Variants in IMPA2 observed in about 807,000 individuals in gnomAD.
IMPA2 encodes inositol monophosphatase 2, also known as IMP 2.
A neutral mutation model predicts 35.1 loss-of-function variants in IMPA2; 32 were observed. That is an observed-to-expected ratio of 0.91 (90% CI 0.69 to 1.23). The LOEUF (loss-of-function observed/expected upper bound fraction) is 1.23, where lower values mean the gene tolerates loss of function less well. Ranked by LOEUF, IMPA2 falls within the 50% of genes most tolerant of loss-of-function variation. The pLI is 0.00. For synonymous variants in IMPA2, 135 were observed against 160.6 expected (o/e 0.84, Z 1.20); for missense variants, 334 against 387.6 (o/e 0.86, Z 1.16).
At chr18:11,985,141 C>CT (rs1316337823) in intron 1 of IMPA2, among the ~76,000 whole-genome samples, 19 of 104,416 alleles carry the variant, frequency 1.8e-4, no homozygotes, top group African/African-American at 7.7e-4. Context: ...GAGCGAAACT[C>CT]TGTCTCAAAA....
chr18:11,991,846 ATT>A lies in IMPA2; in HGVS notation c.97-7194_97-7193del, dbSNP rs11390149. Among the ~76,000 whole-genome samples, 2 of 144,134 alleles carry A rather than the reference ATT, an allele frequency of 1.4e-5. No homozygotes were observed. Among genetic ancestry groups the A allele is most frequent in the East Asian group, 2.1e-4 (1 of 4,794 alleles). The allele number at this position is 144,134 out of a possible 152,430, so 94.6% of individuals were successfully genotyped here. A position where few individuals can be genotyped will look rare whatever the true frequency, so the allele number is the denominator to read the frequency against. Reference sequence around the variant, plus strand: ...TGCCCTCGCAGAAACACCCAGAACAATTTTTTTTTTTTTTTGAGATGGAGCCT... The same window carrying A: ...TGCCCTCGCAGAAACACCCAGAACAATTTTTTTTTTTTTGAGATGGAGCCT... On this transcript the variant is annotated intron_variant, in intron 1 of 7. Coordinates refer to ENST00000269159, the MANE Select transcript of IMPA2 (RefSeq NM_014214.3). This position sits in a 1 kb window ranked among gnomAD's most constrained non-coding sequence, Gnocchi z 4.1.
Position 11,999,063 on chromosome 18 carries a change from A to ATCT in IMPA2, c.106_107insTCT (p.Lys36delinsIleTer). On this transcript the variant is annotated stop_gained and protein_altering_variant, in exon 2 of 8. Transcript: ENST00000269159. LOFTEE classifies it high-confidence loss of function. ...CGTACTTTTATTTCAGATCATCAGAAAAGCCCTTACTGAGGAAAAACGTGT... is the reference window on the plus strand; with the variant it reads ...CGTACTTTTATTTCAGATCATCAGAATCTAAGCCCTTACTGAGGAAAAACGTGT... The ATCT allele has an allele frequency of 6.2e-7, 1 of 1,612,962 alleles. No homozygotes were observed. The highest frequency in any genetic ancestry group is 8.5e-7 in the Non-Finnish European group (1 of 1,179,616).
At chr18:12,016,383 C>T (rs1907578745) in intron 5 of IMPA2, among the ~76,000 whole-genome samples, 1 of 150,466 alleles carries the variant, frequency 6.6e-6, no homozygotes, top group Non-Finnish European at 1.5e-5. Context: ...AGCACGGTCT[C>T]TTGGCACCAT....
intron 1 of IMPA2, among the ~76,000 whole-genome samples, chr18:11,982,953 T>TA (rs1294824842): frequency 6.6e-6 from 1 of 152,186 alleles, no homozygotes; most frequent in Non-Finnish European, 1.5e-5. Flanking sequence ...ATCGGACTGT[T>TA]ATCAATCTTA....
At position 11,991,619 on chromosome 18, in the gene IMPA2, G is replaced by A. The variant is rs562604310; in HGVS notation, c.97-7435G>A. Among the ~76,000 whole-genome samples the A allele has an allele frequency of 3.9e-5, 6 of 152,296 alleles. No individual in the cohort carries two copies. Among genetic ancestry groups the A allele is most frequent in the South Asian group, 2.1e-4 (1 of 4,830 alleles). On this transcript the variant is annotated intron_variant, in intron 1 of 7. Transcript: ENST00000269159. This position sits in a 1 kb window ranked among gnomAD's most constrained non-coding sequence, Gnocchi z 4.1. ...GCAGGGTGGGCTGGCAGCTGGAGAC[G>A]CGGAGAGACAGCTGATGTTCCAGTT...
chr18:12,001,626 G>A (rs544209396), intron 2 of IMPA2, among the ~76,000 whole-genome samples: 7 of 152,290 alleles, frequency 4.6e-5, no homozygotes, highest in African/African-American at 1.7e-4. Flanking sequence ...AAAAGTTAAT[G>A]TATTATGGGG....
intron 2 of IMPA2, among the ~76,000 whole-genome samples, chr18:12,006,907 G>A (rs1166612680): frequency 1.3e-5 from 2 of 152,242 alleles, no homozygotes; most frequent in African/African-American, 4.8e-5. Context: ...TGAGGTGGGC[G>A]TATCACGAGA....
intron 2 of IMPA2, among the ~76,000 whole-genome samples, chr18:12,004,023 C>A (rs1907187566): frequency 6.6e-6 from 1 of 152,236 alleles, no homozygotes; most frequent in East Asian, 1.9e-4. Flanking sequence ...ATGTAACCTG[C>A]TGCCCTGCAG....
intron 1 of IMPA2, among the ~76,000 whole-genome samples, chr18:11,988,611 TGAA>T (rs1568026142): frequency 2.0e-5 from 3 of 151,994 alleles, no homozygotes; most frequent in South Asian, 2.1e-4. Context: ...AAGAAGGTGG[TGAA>T]GAAGATTTAC....
chr18:12,017,188 T>C (rs748137614), intron 5 of IMPA2, among the ~76,000 whole-genome samples: 4 of 152,172 alleles, frequency 2.6e-5, no homozygotes, highest in Non-Finnish European at 5.9e-5. Context: ...ACCATGCAAA[T>C]TTCAGACATA....
intron 1 of IMPA2, among the ~76,000 whole-genome samples, chr18:11,986,668 A>G (rs1906674892): frequency 6.6e-6 from 1 of 152,096 alleles, no homozygotes; most frequent in Non-Finnish European, 1.5e-5. Flanking sequence ...GTAACACTGA[A>G]AGCACATGAT....
At chr18:11,985,293 A>G (rs1906635085) in intron 1 of IMPA2, among the ~76,000 whole-genome samples, 1 of 152,188 alleles carries the variant, frequency 6.6e-6, no homozygotes, top group African/African-American at 2.4e-5. Context: ...CACAAAAATA[A>G]CAATTCTTTC....
rs745311348 is a variant in IMPA2 at position 11,999,063 on chromosome 18, A to G, written c.106A>G (p.Lys36Glu). The change falls in exon 2 of 8, where the codon AAA (lysine) becomes GAA (glutamate). Residue 36 changes from lysine to glutamate, a missense_variant. Physicochemically the swap from Lys to Glu is moderately conservative, Grantham distance 56. Coordinates refer to ENST00000269159, the MANE Select transcript of IMPA2 (RefSeq NM_014214.3). Reference protein sequence around the residue: ...LALRAGQIIRKALTEEKRVST... With the variant: ...LALRAGQIIREALTEEKRVST... ...CGTACTTTTATTTCAGATCATCAGA[A>G]AAGCCCTTACTGAGGAAAAACGTGT... The G allele has an allele frequency of 6.2e-7, 1 of 1,612,962 alleles. No homozygotes were observed. Among genetic ancestry groups the G allele is most frequent in the Non-Finnish European group, 8.5e-7 (1 of 1,179,616 alleles).
At chr18:12,008,196 A>T (rs1907331023) in intron 2 of IMPA2, 1 of 419,446 alleles carries the variant, frequency 2.4e-6, no homozygotes, top group African/African-American at 2.1e-5. Flanking sequence ...GGGTTTCACC[A>T]TGCTGGCCAG....
chr18:11,992,078 A>G (rs1906830923), intron 1 of IMPA2, among the ~76,000 whole-genome samples: 1 of 152,244 alleles, frequency 6.6e-6, no homozygotes, highest in African/African-American at 2.4e-5. Context: ...TCCTGACTTC[A>G]GGTGATCTGC....
chr18:12,007,734 C>T (rs1380160921), intron 2 of IMPA2, among the ~76,000 whole-genome samples: 3 of 133,908 alleles, frequency 2.2e-5, no homozygotes, highest in African/African-American at 5.5e-5. Context: ...TTCTCTCTCT[C>T]TCCTTCCTTC....
rs1265489446 is a variant in IMPA2 at position 12,014,353 on chromosome 18, T to C, written c.470T>C (p.Leu157Pro). Residue 157 changes from leucine to proline, a missense_variant, in exon 5 of 8, where the codon CTC (leucine) becomes CCC (proline). By Grantham distance (98) the Leu-to-Pro change is moderately conservative (BLOSUM62 -3). Transcript: ENST00000269159. ...GRGAFCNGQR[L>P]RVSGETDLSK... ...GGCGCCTTCTGCAATGGCCAGCGGC[T>C]CCGGGTCTCCGGGGAGACAGGTGGG... 2 of 1,596,126 alleles carry C rather than the reference T, an allele frequency of 1.3e-6. No individual in the cohort carries two copies. Among genetic ancestry groups the C allele is most frequent in the East Asian group, 2.3e-5 (1 of 44,072 alleles).
intron 5 of IMPA2, among the ~76,000 whole-genome samples, chr18:12,020,450 C>A (rs965505615): frequency 2.0e-5 from 3 of 152,234 alleles, no homozygotes; most frequent in African/African-American, 7.2e-5. Context: ...GCCTCGGCCT[C>A]CCAAAGTGCT....
intron 1 of IMPA2, among the ~76,000 whole-genome samples, chr18:11,985,139 C>A (rs1204671008): frequency 9.0e-6 from 1 of 111,126 alleles, no homozygotes; most frequent in Non-Finnish European, 1.7e-5. Flanking sequence ...AAGAGCGAAA[C>A]TCTGTCTCAA....
Sources: gnomAD v4.1 joint callset for allele counts (sites outside exome capture counted in the v4.1 genomes callset) on GRCh38, gnomAD v4.1.1 for gene constraint, Gnocchi (gnomAD v3.1) non-coding constraint, MANE v1.5 for transcripts, NCBI Gene and HGNC (gene_info 2026-07-23, HGNC 2026-07-21) for gene names.